The following AGBL4 variants were observed in gnomAD, a reference collection of about 807,000 sequenced individuals.
AGBL4 encodes cytosolic carboxypeptidase 6.
In AGBL4, 58 loss-of-function variants were observed where a neutral mutation model predicts 66.4. The ratio of observed to expected loss-of-function variants is 0.87; its 90% CI spans 0.71 to 1.09. AGBL4 has a LOEUF of 1.09. Ranked by LOEUF, AGBL4 falls within the 50% of genes least tolerant of loss-of-function variation. AGBL4 has a pLI of 0.00. For synonymous variants in AGBL4, 234 were observed against 222.9 expected, an observed-to-expected ratio of 1.05 and a Z score of -0.44; for missense variants, 579 against 631.0, an observed-to-expected ratio of 0.92 and a Z score of 0.88.
At chr1:48,898,379 C>A (rs1035601714) in intron 5 of AGBL4, among the ~76,000 whole-genome samples, 2 of 152,084 alleles carry the variant, frequency 1.3e-5, no homozygotes, top group African/African-American at 4.8e-5. Context: ...AATCTTTTGC[C>A]CAGACCAAGG....
chr1:48,621,437 G>C (rs1361046971), intron 9 of AGBL4, among the ~76,000 whole-genome samples: 1 of 152,112 alleles, frequency 6.6e-6, no homozygotes, highest in African/African-American at 2.4e-5. Flanking sequence ...TATGTGGGTG[G>C]CTAGGTCCCC....
chr1:49,690,348 C>T (rs1378016409), intron 3 of AGBL4, among the ~76,000 whole-genome samples: 1 of 152,120 alleles, frequency 6.6e-6, no homozygotes, highest in Non-Finnish European at 1.5e-5. Flanking sequence ...AAAAGGTTCA[C>T]AGTCATTCCT....
At chr1:49,540,802 T>G (rs1397422002) in intron 3 of AGBL4, among the ~76,000 whole-genome samples, 1 of 152,210 alleles carries the variant, frequency 6.6e-6, no homozygotes, top group Non-Finnish European at 1.5e-5. Context: ...TATATACCTT[T>G]CCTAGCCTTG....
chr1:48,904,906 T>C (rs969669374), intron 5 of AGBL4, among the ~76,000 whole-genome samples: 1 of 91,640 alleles, frequency 1.1e-5, no homozygotes, highest in Non-Finnish European at 2.5e-5. Context: ...TTCTTCCCAG[T>C]GTCATAAGGC....
intron 2 of AGBL4, chr1:49,846,434 C>T (rs1354339218): frequency 9.1e-6 from 13 of 1,428,070 alleles, no homozygotes; most frequent in Admixed American, 1.9e-5. Context: ...CATAGGAAGA[C>T]CTTAAGACAT....
At chr1:49,193,178 T>A (rs1269610224) in intron 4 of AGBL4, among the ~76,000 whole-genome samples, 1 of 152,152 alleles carries the variant, frequency 6.6e-6, no homozygotes, top group Non-Finnish European at 1.5e-5. Flanking sequence ...CATAATGCTC[T>A]GTATTTTTTT....
At chr1:49,875,122 C>T (rs1345772750) in intron 1 of AGBL4, among the ~76,000 whole-genome samples, 1 of 143,740 alleles carries the variant, frequency 7.0e-6, no homozygotes, top group African/African-American at 2.6e-5. Context: ...TGATGATTTC[C>T]AATTTCTTTT....
chr1:49,051,449 A>C (rs923205006), intron 4 of AGBL4, among the ~76,000 whole-genome samples: 4 of 152,154 alleles, frequency 2.6e-5, no homozygotes, highest in Non-Finnish European at 4.4e-5. Context: ...TCATCTACTC[A>C]GGGGCTGAAA....
intron 4 of AGBL4, among the ~76,000 whole-genome samples, chr1:49,172,411 G>A (rs2148166360): frequency 6.6e-6 from 1 of 152,312 alleles, no homozygotes; most frequent in East Asian, 1.9e-4. Context: ...AGGAGGGAAT[G>A]TGGCAAGGAA....
intron 1 of AGBL4, among the ~76,000 whole-genome samples, chr1:49,990,394 G>T (rs1297534882): frequency 6.6e-6 from 1 of 152,028 alleles, no homozygotes; most frequent in East Asian, 1.9e-4. Context: ...TTTTATAAGG[G>T]TTTGGCCACA....
intron 11 of AGBL4, among the ~76,000 whole-genome samples, chr1:48,554,825 C>T (rs903893686): frequency 3.3e-5 from 5 of 152,126 alleles, no homozygotes; most frequent in Non-Finnish European, 1.5e-5. Flanking sequence ...AGCAAGCGGA[C>T]GGTTAGGACT....
intron 2 of AGBL4, among the ~76,000 whole-genome samples, chr1:49,773,787 C>A (rs2147889281): frequency 6.6e-6 from 1 of 152,282 alleles, no homozygotes; most frequent in African/African-American, 2.4e-5. Context: ...TACTTCTGGT[C>A]CAGTTCTCAA....
intron 7 of AGBL4, among the ~76,000 whole-genome samples, chr1:48,657,406 A>C (rs1646037960): frequency 1.3e-5 from 2 of 152,236 alleles, no homozygotes; most frequent in Admixed American, 1.3e-4. Context: ...GCCAGGTTTT[A>C]AGCCTGGGTC....
intron 2 of AGBL4, among the ~76,000 whole-genome samples, chr1:49,754,703 A>C (rs1187710086): frequency 6.6e-6 from 1 of 152,234 alleles, no homozygotes. Context: ...CCTGTCCCTT[A>C]GCAGAGCTCA....
chr1:48,948,660 T>C (rs1447600552), intron 5 of AGBL4, among the ~76,000 whole-genome samples: 1 of 152,228 alleles, frequency 6.6e-6, no homozygotes, highest in East Asian at 1.9e-4. Context: ...TAAATGTGTC[T>C]GAAAGAGCAA....
At chr1:48,597,394 A>C (rs1376829510) in intron 9 of AGBL4, among the ~76,000 whole-genome samples, 1 of 152,150 alleles carries the variant, frequency 6.6e-6, no homozygotes, top group African/African-American at 2.4e-5. Flanking sequence ...TAAGCAAGGT[A>C]ATTGCAGATT....
At chr1:49,897,834 A>C (rs1448762430) in intron 1 of AGBL4, among the ~76,000 whole-genome samples, 2 of 152,066 alleles carry the variant, frequency 1.3e-5, no homozygotes, top group Non-Finnish European at 2.9e-5. Flanking sequence ...CAAGGAACTC[A>C]CTTTCAACAA....
intron 3 of AGBL4, among the ~76,000 whole-genome samples, chr1:49,395,023 G>GA (rs949642429): frequency 2.0e-5 from 3 of 151,704 alleles, no homozygotes; most frequent in South Asian, 2.1e-4. Flanking sequence ...GATATGAAAA[G>GA]AAAAAAAATG....
chr1:50,019,139 T>C (rs1232103216), intron 1 of AGBL4, among the ~76,000 whole-genome samples: 3 of 152,078 alleles, frequency 2.0e-5, no homozygotes, highest in Non-Finnish European at 4.4e-5. Flanking sequence ...TGCCTTTCCA[T>C]AATAAAAAGA....
Sources: gnomAD v4.1 joint callset for allele counts (sites outside exome capture counted in the v4.1 genomes callset) on GRCh38, gnomAD v4.1.1 for gene constraint, MANE v1.5 for transcripts, NCBI Gene and HGNC (gene_info 2026-07-23, HGNC 2026-07-21) for gene names.